The following SSBP2 variants were observed in gnomAD, a reference collection of about 807,000 sequenced individuals.
SSBP2 encodes the protein single-stranded DNA-binding protein 2.
In SSBP2, 17 loss-of-function variants were observed where a neutral mutation model predicts 61.8. The ratio of observed to expected loss-of-function variants is 0.28; its 90% CI spans 0.19 to 0.41. The LOEUF (loss-of-function observed/expected upper bound fraction) is 0.41. SSBP2 is among the 10% of genes least tolerant of loss of function. SSBP2 has a pLI of 1.00. For synonymous variants in SSBP2, 139 were observed against 141.3 expected, an observed-to-expected ratio of 0.98 and a Z score of 0.12; for missense variants, 310 against 458.7, an observed-to-expected ratio of 0.68 and a Z score of 2.96.
intron 6 of SSBP2, among the ~76,000 whole-genome samples, chr5:81,479,830 T>G (rs1765855653): frequency 6.6e-6 from 1 of 152,210 alleles, no homozygotes; most frequent in Non-Finnish European, 1.5e-5. Flanking sequence ...ACTAATTTGT[T>G]AATTTGTCCA....
chr5:81,462,911 A>T (rs1305158269), intron 9 of SSBP2, among the ~76,000 whole-genome samples: 1 of 152,134 alleles, frequency 6.6e-6, no homozygotes, highest in Non-Finnish European at 1.5e-5. Flanking sequence ...CAAGTACTGT[A>T]TGAATAAGAT....
chr5:81,507,467 C>A (rs1768265232), intron 5 of SSBP2, among the ~76,000 whole-genome samples: 1 of 151,778 alleles, frequency 6.6e-6, no homozygotes, highest in Non-Finnish European at 1.5e-5. Flanking sequence ...AGATAAAAAT[C>A]AAAATACATG....
intron 2 of SSBP2, among the ~76,000 whole-genome samples, chr5:81,639,250 C>G (rs2153682861): frequency 6.6e-6 from 1 of 152,126 alleles, no homozygotes; most frequent in East Asian, 1.9e-4. Flanking sequence ...CTGATATTAA[C>G]TTTCTAATTG....
chr5:81,500,545 C>T (rs1288394980), intron 5 of SSBP2, among the ~76,000 whole-genome samples: 1 of 152,116 alleles, frequency 6.6e-6, no homozygotes, highest in Non-Finnish European at 1.5e-5. Context: ...ACTGCAACCT[C>T]CACTTCCTGG....
chr5:81,697,314 A>G (rs1364688577), intron 1 of SSBP2, among the ~76,000 whole-genome samples: 2 of 152,218 alleles, frequency 1.3e-5, no homozygotes, highest in Non-Finnish European at 2.9e-5. Flanking sequence ...GGAGCAGGGA[A>G]AGGAAGACTC....
intron 1 of SSBP2, among the ~76,000 whole-genome samples, chr5:81,662,951 G>T (rs1750818823): frequency 1.3e-5 from 2 of 152,116 alleles, no homozygotes. Context: ...AACTAATTAG[G>T]TATCTACAAC....
At chr5:81,428,809 T>C (rs1762113009) in intron 15 of SSBP2, 126 bp from the exon 16 acceptor site, 1 of 607,284 alleles carries the variant, frequency 1.6e-6, no homozygotes. Context: ...AATCTTAGAC[T>C]TCTACCATGT....
In SSBP2 at chr5:81,417,898, A is replaced by G. The variant is rs1761383394; in HGVS notation, c.*2606T>C. ...CAATTGACTGCTCTGCCTTGAAAAA[A>G]AAAACGAATTTTACTTTTAGGTTAG... On this transcript the variant is annotated 3_prime_UTR_variant, in exon 17 of 17. Coordinates refer to ENST00000320672, the MANE Select transcript of SSBP2 (RefSeq NM_012446.5). The G allele has an allele frequency of 6.6e-6, 1 of 152,318 alleles. No individual in the cohort carries two copies. The highest frequency in any genetic ancestry group is 2.4e-5 in the African/African-American group (1 of 41,576). 9.4% of individuals were successfully genotyped at this position (152,318 alleles called of 1,614,324 possible). A position where few individuals can be genotyped will look rare whatever the true frequency, so the allele number is the denominator to read the frequency against.
intron 5 of SSBP2, among the ~76,000 whole-genome samples, chr5:81,494,615 A>G (rs1006996956): frequency 6.6e-6 from 1 of 152,190 alleles, no homozygotes; most frequent in Non-Finnish European, 1.5e-5. Flanking sequence ...CCTCTCCAGG[A>G]GTCAAATTGG....
chr5:81,608,197 A>G (rs909215420), intron 4 of SSBP2, among the ~76,000 whole-genome samples: 1 of 152,132 alleles, frequency 6.6e-6, no homozygotes, highest in African/African-American at 2.4e-5. Context: ...CACAAGTCCC[A>G]TATCATCAGC....
At chr5:81,475,441 C>T (rs1765522526) in intron 6 of SSBP2, among the ~76,000 whole-genome samples, 1 of 152,050 alleles carries the variant, frequency 6.6e-6, no homozygotes, top group Non-Finnish European at 1.5e-5. Flanking sequence ...AGGTAGCTTC[C>T]ATTTCCCAAG....
intron 4 of SSBP2, among the ~76,000 whole-genome samples, chr5:81,538,352 G>C (rs1480611302): frequency 6.6e-6 from 1 of 152,194 alleles, no homozygotes; most frequent in African/African-American, 2.4e-5. Flanking sequence ...CAAAAAGTCT[G>C]ATGTTGGCAG....
chr5:81,739,103 T>G (rs1400631793), intron 1 of SSBP2, among the ~76,000 whole-genome samples: 1 of 135,520 alleles, frequency 7.4e-6, no homozygotes, highest in Non-Finnish European at 1.5e-5. Context: ...AGGTGGAGGT[T>G]TCGGTGAGCC....
intron 4 of SSBP2, among the ~76,000 whole-genome samples, chr5:81,527,320 G>C (rs917757127): frequency 2.0e-5 from 3 of 152,036 alleles, no homozygotes; most frequent in Admixed American, 1.3e-4. Flanking sequence ...GGAGGAACTT[G>C]GGCAGTGGTG....
intron 1 of SSBP2, among the ~76,000 whole-genome samples, chr5:81,695,191 A>G (rs1753512640): frequency 6.6e-6 from 1 of 152,216 alleles, no homozygotes; most frequent in Non-Finnish European, 1.5e-5. Flanking sequence ...TTAAGTATCT[A>G]AAATCACTTA....
rs1454749054 is a variant in SSBP2, at chr5:81,465,109, G to A, written c.638+1865C>T. Among the ~76,000 whole-genome samples the A allele has an allele frequency of 2.6e-5, 4 of 151,852 alleles. No homozygotes were observed. In the East Asian group the frequency reaches 7.7e-4, roughly 29 times the overall value. ...TAAATATTTACATTTCATTGTCCTT[G>A]AAGGAATCCTGATTTTTAGAAAACT... is the stretch of plus-strand genomic sequence containing the variant. On this transcript the variant is annotated intron_variant, in intron 9 of 16. Coordinates refer to ENST00000320672, the MANE Select transcript of SSBP2 (RefSeq NM_012446.5).
At chr5:81,573,766 G>A (rs1266566934) in intron 4 of SSBP2, among the ~76,000 whole-genome samples, 1 of 152,086 alleles carries the variant, frequency 6.6e-6, no homozygotes, top group African/African-American at 2.4e-5. Flanking sequence ...CTATACATCT[G>A]GAAACAAAGA....
intron 11 of SSBP2, chr5:81,447,974 T>C (rs1218381754): frequency 5.9e-5 from 9 of 152,202 alleles, no homozygotes. Context: ...GTTAATAAAA[T>C]ACTATTTCCA....
At chr5:81,616,612 G>A (rs1446464879) in intron 3 of SSBP2, 5 of 144,822 alleles carry the variant, frequency 3.5e-5, no homozygotes, top group African/African-American at 1.0e-4. Flanking sequence ...AGCTCAAGGA[G>A]GCCTGCCTGC....
Sources: gnomAD v4.1 joint callset for allele counts (sites outside exome capture counted in the v4.1 genomes callset) on GRCh38, gnomAD v4.1.1 for gene constraint, MANE v1.5 for transcripts, NCBI Gene and HGNC (gene_info 2026-07-23, HGNC 2026-07-21) for gene names.